ELF4: variants seen among roughly 807,000 people sequenced by gnomAD.
ELF4 encodes E74 like ETS transcription factor 4, also known as ETS-related transcription factor Elf-4.
In ELF4, 10 loss-of-function variants were observed where a neutral mutation model predicts 31.7. That is an observed-to-expected ratio of 0.32 (90% CI 0.19 to 0.54). ELF4 has a LOEUF of 0.54. Among genes scored for constraint, ELF4 ranks in the 20% least tolerant of loss-of-function variants. ELF4 has a pLI of 0.95. For synonymous variants in ELF4, 208 were observed against 226.7 expected (o/e 0.92, Z 0.74); for missense variants, 418 against 522.0 (o/e 0.80, Z 1.94).
intron 7 of ELF4, among the ~76,000 whole-genome samples, 166 bp downstream of exon 7, chrX:130,070,874 G>T (rs1031212845): frequency 9.1e-6 from 1 of 109,928 alleles, no homozygotes; most frequent in Non-Finnish European, 1.9e-5. Flanking sequence ...CTTCCTGCCA[G>T]AGGGGGCCTG....
intron 1 of ELF4, among the ~76,000 whole-genome samples, chrX:130,104,653 T>G (rs1322564304): frequency 5.4e-5 from 6 of 111,653 alleles, no homozygotes; most frequent in African/African-American, 2.0e-4. Flanking sequence ...ACTCCCAGAG[T>G]GGTTAAGTAA....
intron 1 of ELF4, among the ~76,000 whole-genome samples, chrX:130,100,322 C>T (rs1467677713): frequency 8.9e-6 from 1 of 111,735 alleles, no homozygotes; most frequent in African/African-American, 3.3e-5. Flanking sequence ...ACATTGACAT[C>T]GATGGCTGTG....
intron 3 of ELF4, 101 bp from the exon 4 acceptor site, chrX:130,074,242 G>A: frequency 1.1e-6 from 1 of 907,381 alleles, no homozygotes; most frequent in Non-Finnish European, 1.6e-6. Flanking sequence ...AAAGGATGGT[G>A]GTAAGCATCC....
chrX:130,099,606 T>C (rs1037347890), intron 1 of ELF4, among the ~76,000 whole-genome samples: 1 of 110,602 alleles, frequency 9.0e-6, no homozygotes, highest in East Asian at 2.9e-4. Flanking sequence ...ACCAAAAAAC[T>C]GATATTGTGT....
rs755388354 is a variant in ELF4, at chrX:130,069,335, T to C, written c.1152A>G (p.Pro384=). 1 of 1,210,897 alleles carries C rather than the reference T, an allele frequency of 8.3e-7. No homozygotes were observed. Among genetic ancestry groups the C allele is most frequent in the Non-Finnish European group, 1.1e-6 (1 of 895,424 alleles). The change falls in exon 8 of 9, where the codon CCA becomes CCG. Residue 384 remains proline (P), a synonymous_variant. Coordinates refer to ENST00000308167, the MANE Select transcript of ELF4 (RefSeq NM_001421.4). ...TGGTGAGCTTGACCTGGCCCTCTGC[T>C]GGAGAGACGAGCATGGTGGAGGTAG... The part of the protein sequence containing the change: ...IPTTSTMLVS[P]AEGQVKLTKA...
intron 1 of ELF4, among the ~76,000 whole-genome samples, chrX:130,109,520 G>A (rs912664956): frequency 8.9e-6 from 1 of 112,430 alleles, no homozygotes; most frequent in African/African-American, 3.2e-5. Flanking sequence ...GGGCGGGGGC[G>A]GCCCAGGAGG....
rs1012944143 is a variant in ELF4, at chrX:130,078,585, C to G, written c.75+2671G>C. 1.4e-4 allele frequency among the ~76,000 whole-genome samples: 16 copies of G among 110,536 alleles called. No homozygotes were observed. The South Asian group carries it at 3.4e-3, about 24-fold the overall frequency. ...CCAGCCTGACCAACATGGTGAAACC[C>G]CCTCTCTACTAAAAATACAAAATTA... is the stretch of plus-strand genomic sequence containing the variant. On this transcript the variant is annotated intron_variant, in intron 2 of 8. Transcript: ENST00000308167.
intron 1 of ELF4, among the ~76,000 whole-genome samples, chrX:130,097,165 C>T (rs1005968280): frequency 1.9e-5 from 2 of 104,336 alleles, no homozygotes; most frequent in Non-Finnish European, 3.9e-5. Flanking sequence ...CAGCCGGGTG[C>T]GGCGGCTCAC....
intron 1 of ELF4, among the ~76,000 whole-genome samples, chrX:130,090,237 G>A (rs1289889669): frequency 9.0e-6 from 1 of 110,884 alleles, no homozygotes; most frequent in Non-Finnish European, 1.9e-5. Flanking sequence ...GCCAGGTGTG[G>A]TGGCGCCCTC....
At chrX:130,087,585 A>G (rs1033176085) in intron 1 of ELF4, among the ~76,000 whole-genome samples, 1 of 112,124 alleles carries the variant, frequency 8.9e-6, no homozygotes, top group East Asian at 2.8e-4. Flanking sequence ...GGTGTGCCTC[A>G]GCCTCCTGAG....
At chrX:130,071,296 G>T (rs1932785364) in intron 6 of ELF4, 40 bp downstream of exon 6, 1 of 1,208,811 alleles carries the variant, frequency 8.3e-7, no homozygotes, top group Non-Finnish European at 1.1e-6. Flanking sequence ...GCAGGGAAGG[G>T]GCTCCCTCCC....
At chrX:130,097,133 TAAAAAAA>T (rs754452744) in intron 1 of ELF4, among the ~76,000 whole-genome samples, 1 of 74,402 alleles carries the variant, frequency 1.3e-5, no homozygotes, top group African/African-American at 5.2e-5. Context: ...CCATCTCTAT[TAAAAAAA>T]AAAAAAAAAA....
upstream of ELF4, among the ~76,000 whole-genome samples, chrX:130,111,361 C>G (rs185266056): frequency 1.8e-5 from 2 of 112,817 alleles, no homozygotes; most frequent in Non-Finnish European, 3.8e-5. Context: ...CCCCTCGGCC[C>G]GTGCAAGTGG....
In ELF4 at chrX:130,104,095, A is replaced by G. The variant is rs1453844688; in HGVS notation, c.-210+6230T>C. On this transcript the variant is annotated intron_variant, in intron 1 of 8. Transcript: ENST00000308167. ...GTAGGATAATAACAACAATCTGATG[A>G]TTGCTAAATAGTTCCCAGGAGTACA... 3.4e-4 allele frequency among the ~76,000 whole-genome samples: 35 copies of G among 102,870 alleles called. No individual in the cohort carries two copies. The Admixed American group carries it at 3.6e-3, about 11-fold the overall frequency. The allele number at this position is 102,870 out of a possible 115,157, so 89.3% of individuals were successfully genotyped here.
At chrX:130,072,175 G>A (rs1249002960) in intron 5 of ELF4, 51 bp downstream of exon 5, 2 of 598,522 alleles carry the variant, frequency 3.3e-6, no homozygotes, top group Admixed American at 2.5e-5. Flanking sequence ...GCCCCCCCAC[G>A]CCCCGCCCAT....
At chrX:130,098,896 C>T in intron 1 of ELF4, among the ~76,000 whole-genome samples, 1 of 112,023 alleles carries the variant, frequency 8.9e-6, no homozygotes, top group Non-Finnish European at 1.9e-5. Context: ...CCAGACTAGG[C>T]GTCAAAGCCA....
At chrX:130,087,201 G>A (rs764918122) in intron 1 of ELF4, among the ~76,000 whole-genome samples, 4 of 112,426 alleles carry the variant, frequency 3.6e-5, no homozygotes, top group African/African-American at 1.3e-4. Flanking sequence ...AGCCAATGAC[G>A]GGAGAACCCA....
rs1237510361 is a variant in ELF4, at chrX:130,065,318, C to CTT, written c.*1401_*1402dup. 5.8e-6 allele frequency: 1 copy of CTT among 173,721 alleles called. No individual in the cohort carries two copies. The highest frequency in any genetic ancestry group is 3.0e-5 in the African/African-American group (1 of 33,740). The allele number at this position is 173,721 out of a possible 1,213,427, so 14.3% of individuals were successfully genotyped here. On this transcript the variant is annotated 3_prime_UTR_variant, in exon 9 of 9. Transcript: ENST00000308167. Reference sequence around the variant, plus strand: ...TCCAGGCAATTGGCCTAGGGGTTGGCTTTGAGAGAGAATAGGTTGACCCTT... The same window carrying CTT: ...TCCAGGCAATTGGCCTAGGGGTTGGCTTTTTGAGAGAGAATAGGTTGACCCTT...
chrX:130,099,621 T>C (rs1933212231), intron 1 of ELF4, among the ~76,000 whole-genome samples: 1 of 111,001 alleles, frequency 9.0e-6, no homozygotes, highest in African/African-American at 3.3e-5. Flanking sequence ...TTGTGTTAAG[T>C]GTCATCTCTC....
Sources: allele counts gnomAD v4.1 joint callset (sites outside exome capture counted in the v4.1 genomes callset), GRCh38; gene constraint gnomAD v4.1.1; transcripts MANE v1.5; gene names NCBI Gene and HGNC (gene_info 2026-07-23, HGNC 2026-07-21).